The following RAB38 variants were observed in gnomAD, a reference collection of about 807,000 sequenced individuals.
RAB38 encodes RAB38, member RAS oncogene family.
A neutral mutation model predicts 18.4 loss-of-function variants in RAB38; 15 were observed. The observed-to-expected ratio is 0.82, with a 90% CI of 0.55 to 1.26. The LOEUF is 1.26. Ranked by LOEUF, RAB38 falls within the 50% of genes most tolerant of loss-of-function variation. The pLI, the probability that RAB38 is intolerant of heterozygous loss-of-function variation, is 0.00. For missense variants in RAB38, 294 were observed against 267.4 expected, an observed-to-expected ratio of 1.10 and a Z score of -0.69; for synonymous variants, 101 against 104.4, an observed-to-expected ratio of 0.97 and a Z score of 0.20.
At chr11:88,039,644 G>A in the RAB38 span, among the ~76,000 whole-genome samples, 8 of 152,200 alleles carry the variant, frequency 5.3e-5, no homozygotes, top group Non-Finnish European at 1.0e-4. Context: ...CTGAAGGGGA[G>A]TCTACCAAGA....
chr11:87,822,538 G>C, the RAB38 span, among the ~76,000 whole-genome samples: 1 of 152,152 alleles, frequency 6.6e-6, no homozygotes, highest in African/African-American at 2.4e-5. Flanking sequence ...ACCTCAGAAG[G>C]ACTTACTAGC....
chr11:87,830,425 G>A, the RAB38 span, among the ~76,000 whole-genome samples: 1 of 151,880 alleles, frequency 6.6e-6, no homozygotes, highest in African/African-American at 2.4e-5. Context: ...AGGCTGTAGT[G>A]AGCCATGATT....
At chr11:87,832,566 G>T in the RAB38 span, among the ~76,000 whole-genome samples, 1 of 152,038 alleles carries the variant, frequency 6.6e-6, no homozygotes, top group Non-Finnish European at 1.5e-5. Flanking sequence ...TGTCCACTGG[G>T]GGCCTCCCTT....
At chr11:87,976,323 T>G in the RAB38 span, among the ~76,000 whole-genome samples, 1 of 112,654 alleles carries the variant, frequency 8.9e-6, no homozygotes, top group Admixed American at 8.9e-5. Context: ...TATACCAGAG[T>G]TTTTTATATG....
chr11:87,914,658 A>C, the RAB38 span, among the ~76,000 whole-genome samples: 2 of 152,174 alleles, frequency 1.3e-5, no homozygotes, highest in Admixed American at 1.3e-4. Context: ...CTTGTTACGT[A>C]ATAGTGAAAA....
At chr11:88,156,054 T>C (rs1208018060) in intron 1 of RAB38, among the ~76,000 whole-genome samples, 1 of 152,190 alleles carries the variant, frequency 6.6e-6, no homozygotes, top group Non-Finnish European at 1.5e-5. Flanking sequence ...CTACAAATTA[T>C]TGGCATTCCT....
the RAB38 span, among the ~76,000 whole-genome samples, chr11:87,959,311 T>G: frequency 1.3e-5 from 2 of 152,306 alleles, no homozygotes; most frequent in Non-Finnish European, 2.9e-5. Context: ...ACCTACACAG[T>G]AAGCTAAGAC....
the RAB38 span, among the ~76,000 whole-genome samples, chr11:87,906,875 T>C: frequency 3.7e-3 from 556 of 152,056 alleles, 4 homozygotes; most frequent in African/African-American, 0.013. Flanking sequence ...CACCTACTAA[T>C]ACAATTCATC....
chr11:88,121,771 C>T (rs916448569), intron 2 of RAB38, among the ~76,000 whole-genome samples: 21 of 152,242 alleles, frequency 1.4e-4, no homozygotes, highest in African/African-American at 4.6e-4. Flanking sequence ...ACCATGTTGG[C>T]CAGGATGCTC....
At chr11:87,901,924 CTTT>C in the RAB38 span, among the ~76,000 whole-genome samples, 85 of 143,430 alleles carry the variant, frequency 5.9e-4, no homozygotes, top group Admixed American at 8.3e-4. Flanking sequence ...GTTTGGCTGA[CTTT>C]TTTTTTTTTT....
chr11:87,874,890 G>A, the RAB38 span, among the ~76,000 whole-genome samples: 287 of 151,356 alleles, frequency 1.9e-3, no homozygotes, highest in African/African-American at 6.5e-3. Context: ...TGGTATGGGG[G>A]TTCCTCAAAA....
chr11:88,095,867 C>T, the RAB38 span, among the ~76,000 whole-genome samples: 1 of 151,868 alleles, frequency 6.6e-6, no homozygotes, highest in Non-Finnish European at 1.5e-5. Flanking sequence ...TCACACCTCA[C>T]ATCCAATCTA....
chr11:88,084,362 A>T, the RAB38 span, among the ~76,000 whole-genome samples: 1 of 151,726 alleles, frequency 6.6e-6, no homozygotes, highest in African/African-American at 2.4e-5. Flanking sequence ...TTTGAAAGGG[A>T]TGAAATATAA....
At chr11:88,061,061 T>C in the RAB38 span, among the ~76,000 whole-genome samples, 3 of 152,250 alleles carry the variant, frequency 2.0e-5, no homozygotes, top group African/African-American at 7.2e-5. Context: ...TTTGCTAATC[T>C]GAACAACATT....
the RAB38 span, among the ~76,000 whole-genome samples, chr11:88,019,787 C>T: frequency 6.6e-6 from 1 of 152,304 alleles, no homozygotes; most frequent in Non-Finnish European, 1.5e-5. Flanking sequence ...CATTCAGTCT[C>T]TGCCCAAATA....
chr11:87,855,717 G>T, the RAB38 span, among the ~76,000 whole-genome samples: 1 of 152,132 alleles, frequency 6.6e-6, no homozygotes, highest in African/African-American at 2.4e-5. Context: ...AGAATGAAAG[G>T]GTTAGAATTT....
intron 2 of RAB38, among the ~76,000 whole-genome samples, chr11:88,122,967 G>C (rs948869779): frequency 2.0e-5 from 3 of 152,194 alleles, no homozygotes; most frequent in Admixed American, 2.0e-4. Flanking sequence ...TGAAAAGCCT[G>C]AGCCTCTACT....
chr11:87,934,285 TA>T, the RAB38 span, among the ~76,000 whole-genome samples: 1 of 152,152 alleles, frequency 6.6e-6, no homozygotes, highest in Admixed American at 6.5e-5. Flanking sequence ...AAGCACCATT[TA>T]AGACACAATT....
At chr11:88,028,424 C>T in the RAB38 span, among the ~76,000 whole-genome samples, 3,419 of 152,236 alleles carry the variant, frequency 0.022, 105 homozygotes, top group East Asian at 0.15. Flanking sequence ...GACGATCAAA[C>T]TACTCCGAGC....
Sources: allele counts gnomAD v4.1 joint callset (sites outside exome capture counted in the v4.1 genomes callset), GRCh38; gene constraint gnomAD v4.1.1; transcripts MANE v1.5; gene names NCBI Gene and HGNC (gene_info 2026-07-23, HGNC 2026-07-21).